KCNMA1: variants seen among roughly 807,000 people sequenced by gnomAD.
KCNMA1 encodes Calcium-activated potassium channel subunit alpha-1.
Under a neutral mutation model 140.0 loss-of-function variants are expected in KCNMA1, and 29 were observed. The observed-to-expected ratio is 0.21, with a 90% confidence interval of 0.15 to 0.28. The LOEUF is 0.28. Ranked by LOEUF, KCNMA1 falls within the 10% of genes least tolerant of loss-of-function variation. KCNMA1 has a pLI of 1.00. For synonymous variants in KCNMA1, 612 were observed against 611.9 expected (o/e 1.00, Z 0.00); for missense variants, 880 against 1,602.2 (o/e 0.55, Z 7.70).
At chr10:77,615,688 G>A (rs550341945) in intron 1 of KCNMA1, among the ~76,000 whole-genome samples, 3 of 152,114 alleles carry the variant, frequency 2.0e-5, no homozygotes, top group South Asian at 2.1e-4. Context: ...GGGGTGTGCC[G>A]TGGGTGATGA....
At chr10:77,450,996 G>A (rs2097644999) in intron 1 of KCNMA1, among the ~76,000 whole-genome samples, 1 of 152,188 alleles carries the variant, frequency 6.6e-6, no homozygotes, top group African/African-American at 2.4e-5. Context: ...TGCCATGTAA[G>A]ATGTGACTTT....
intron 2 of KCNMA1, among the ~76,000 whole-genome samples, chr10:77,299,550 A>G (rs1601731147): frequency 6.6e-6 from 1 of 152,164 alleles, no homozygotes; most frequent in East Asian, 1.9e-4. Flanking sequence ...GTAACCTATC[A>G]AGCTTTGGAA....
At chr10:77,565,280 C>A (rs1053185287) in intron 1 of KCNMA1, among the ~76,000 whole-genome samples, 3 of 152,130 alleles carry the variant, frequency 2.0e-5, no homozygotes, top group Admixed American at 2.0e-4. Flanking sequence ...GAGGACAACG[C>A]GGATGGTAAG....
chr10:77,158,580 C>T (rs2098517504), intron 5 of KCNMA1, among the ~76,000 whole-genome samples: 1 of 152,128 alleles, frequency 6.6e-6, no homozygotes, highest in Non-Finnish European at 1.5e-5. Context: ...GCTCCTCTCC[C>T]CTCTCTAGCT....
chr10:77,141,767 C>A (rs981028594), intron 5 of KCNMA1, among the ~76,000 whole-genome samples: 1 of 152,166 alleles, frequency 6.6e-6, no homozygotes, highest in Non-Finnish European at 1.5e-5. Context: ...ATCCACATTC[C>A]ACAAGTTGTT....
intron 5 of KCNMA1, among the ~76,000 whole-genome samples, chr10:77,171,408 T>TGTGTGTGC (rs2098706836): frequency 1.9e-5 from 1 of 52,336 alleles, no homozygotes; most frequent in Non-Finnish European, 3.8e-5. Flanking sequence ...TGCGTGTGTG[T>TGTGTGTGC]GTGTGTGTGT....
chr10:76,942,502 C>T (rs1409285024), intron 23 of KCNMA1, among the ~76,000 whole-genome samples: 8 of 152,140 alleles, frequency 5.3e-5, no homozygotes, highest in Admixed American at 1.3e-4. Flanking sequence ...CTTTCTCTTT[C>T]CTCCATATCT....
At chr10:77,355,922 T>G (rs926041983) in intron 2 of KCNMA1, among the ~76,000 whole-genome samples, 3 of 152,100 alleles carry the variant, frequency 2.0e-5, no homozygotes, top group African/African-American at 7.2e-5. Context: ...CACGCATTAC[T>G]CAGTGAAAAA....
intron 2 of KCNMA1, among the ~76,000 whole-genome samples, chr10:77,347,060 G>A (rs902435632): frequency 6.6e-6 from 1 of 152,168 alleles, no homozygotes; most frequent in Non-Finnish European, 1.5e-5. Flanking sequence ...ATGACCTTGG[G>A]TGAGTCCCTT....
intron 1 of KCNMA1, among the ~76,000 whole-genome samples, chr10:77,453,364 T>TAAATAAATAA (rs35883503): frequency 0.082 from 11,962 of 145,042 alleles, 556 homozygotes; most frequent in African/African-American, 0.093. Flanking sequence ...AATAAATAAA[T>TAAATAAATAA]ATAAATAAAT....
chr10:76,897,865 C>T (rs1273756270), intron 25 of KCNMA1, among the ~76,000 whole-genome samples: 1 of 151,710 alleles, frequency 6.6e-6, no homozygotes, highest in East Asian at 1.9e-4. Flanking sequence ...ATGAAAATTG[C>T]CTGATCTTAT....
chr10:77,151,140 CTTCTTTCTTTCTTTCTTTTCTT>C (rs1264387725), intron 5 of KCNMA1, among the ~76,000 whole-genome samples: 2 of 147,210 alleles, frequency 1.4e-5, no homozygotes, highest in Non-Finnish European at 3.0e-5. Context: ...TCCTTTCTTT[CTTCTTTCTTTCTTTCTTTTCTT>C]TTCTTTCTTT....
chr10:77,460,305 C>T (rs1054778388), intron 1 of KCNMA1, among the ~76,000 whole-genome samples: 1 of 152,200 alleles, frequency 6.6e-6, no homozygotes, highest in African/African-American at 2.4e-5. Flanking sequence ...AGACCAAGCT[C>T]AAGTAGCCTT....
At chr10:76,916,716 C>T (rs1212261539) in intron 23 of KCNMA1, among the ~76,000 whole-genome samples, 1 of 152,180 alleles carries the variant, frequency 6.6e-6, no homozygotes, top group Non-Finnish European at 1.5e-5. Context: ...CACTTTCCAG[C>T]AATGTGACAA....
chr10:77,291,450 T>TAAATTACCCACATAAATCAGTTTAGGC (rs2073215388), intron 2 of KCNMA1, among the ~76,000 whole-genome samples: 2 of 152,172 alleles, frequency 1.3e-5, no homozygotes, highest in Admixed American at 1.3e-4. Context: ...AGGTACTCCA[T>TAAATTACCCACATAAATCAGTTTAGGC]AAATTACCCA....
intron 2 of KCNMA1, among the ~76,000 whole-genome samples, chr10:77,384,430 G>A (rs1294094536): frequency 6.6e-6 from 1 of 152,208 alleles, no homozygotes; most frequent in Non-Finnish European, 1.5e-5. Flanking sequence ...GGTGGCTGAC[G>A]AAGCCCAGTG....
intron 3 of KCNMA1, among the ~76,000 whole-genome samples, chr10:77,185,206 T>A (rs1346487915): frequency 6.6e-6 from 1 of 151,992 alleles, no homozygotes; most frequent in Non-Finnish European, 1.5e-5. Context: ...AAGAGGATCA[T>A]GCAGATACCC....
At chr10:77,235,033 G>A (rs528924203) in intron 3 of KCNMA1, among the ~76,000 whole-genome samples, 1 of 152,298 alleles carries the variant, frequency 6.6e-6, no homozygotes, top group East Asian at 1.9e-4. Context: ...TAGCAGAACT[G>A]GGTGCTATCA....
chr10:77,636,909 T>C, intron 1 of KCNMA1: 1 of 1,418,150 alleles, frequency 7.1e-7, no homozygotes, highest in Non-Finnish European at 9.2e-7. Flanking sequence ...TGCCCCCAGC[T>C]TCCTCCGTCC....
Sources: allele counts gnomAD v4.1 joint callset (sites outside exome capture counted in the v4.1 genomes callset), GRCh38; gene constraint gnomAD v4.1.1; transcripts MANE v1.5; gene names NCBI Gene and HGNC (gene_info 2026-07-23, HGNC 2026-07-21).